The following GOSR2 variants were observed in gnomAD, a reference collection of about 807,000 sequenced individuals.
GOSR2 encodes the protein golgi SNAP receptor complex member 2.
In GOSR2, 20 loss-of-function variants were observed where a neutral mutation model predicts 27.9. The observed-to-expected ratio is 0.72, with a 90% CI of 0.50 to 1.04. The LOEUF is 1.04. Among genes scored for constraint, GOSR2 ranks in the 50% least tolerant of loss-of-function variants. GOSR2 has a pLI of 0.00. For synonymous variants in GOSR2, 91 were observed against 98.8 expected, an observed-to-expected ratio of 0.92 and a Z score of 0.47; for missense variants, 261 against 270.5, an observed-to-expected ratio of 0.97 and a Z score of 0.25.
intron 3 of GOSR2, chr17:46,931,487 A>G: frequency 2.1e-6 from 1 of 483,742 alleles, no homozygotes. Context: ...CTAGATCCAT[A>G]GCCACCTGAA....
At chr17:46,969,534 A>T (rs2091369666), downstream of GOSR2, among the ~76,000 whole-genome samples, 1 of 152,174 alleles carries the variant, frequency 6.6e-6, no homozygotes, top group African/African-American at 2.4e-5. Context: ...GAGACCCTAA[A>T]CAACCGTGGA....
At chr17:46,926,163 A>T (rs2086464798) in intron 1 of GOSR2, among the ~76,000 whole-genome samples, 1 of 152,202 alleles carries the variant, frequency 6.6e-6, no homozygotes, top group Non-Finnish European at 1.5e-5. Context: ...CTATTACCTT[A>T]TCTCAAGACC....
Position 46,938,832 on chromosome 17 carries a change from G to A in GOSR2, c.*72G>A. 45 of 1,608,630 alleles carry A rather than the reference G, an allele frequency of 2.8e-5. No individual in the cohort carries two copies. The highest frequency in any genetic ancestry group is 3.8e-5 in the Non-Finnish European group (45 of 1,178,886). Reference sequence around the variant, plus strand: ...GTGTGTGTGTGTGAAAGAGAGAGGGGGGCCCAGAGGCCGCCTTTTGAAATG... The same window carrying A: ...GTGTGTGTGTGTGAAAGAGAGAGGGAGGCCCAGAGGCCGCCTTTTGAAATG... On this transcript the variant is annotated 3_prime_UTR_variant, in exon 6 of 6. Coordinates refer to ENST00000640051, the MANE Select transcript of GOSR2 (RefSeq NM_004287.5).
Position 46,940,079 on chromosome 17 carries a change from TTCTG to T in GOSR2, c.*1323_*1326del. The T allele has an allele frequency of 8.9e-7, 1 of 1,117,444 alleles. No individual in the cohort carries two copies. Among genetic ancestry groups the T allele is most frequent in the African/African-American group, 1.6e-5 (1 of 62,542 alleles). The allele number at this position is 1,117,444 out of a possible 1,614,324, so 69.2% of individuals were successfully genotyped here. A position where few individuals can be genotyped will look rare whatever the true frequency, so the allele number is the denominator to read the frequency against. On this transcript the variant is annotated 3_prime_UTR_variant, in exon 6 of 6. Transcript: ENST00000640051. ...TTAGTTTCTTGTTGCTTGAACTGTC[TTCTG>T]TCTTATTTCCCTTCCTTTCTGTGTT...
At chr17:46,930,466 C>T (rs952710950) in intron 2 of GOSR2, 2 of 152,020 alleles carry the variant, frequency 1.3e-5, no homozygotes, top group East Asian at 1.9e-4. Context: ...GGAAAATGAC[C>T]GTATTTATCG....
intron 6 of GOSR2, chr17:46,964,089 A>C (rs1003279093): frequency 2.6e-5 from 4 of 152,244 alleles, no homozygotes; most frequent in Non-Finnish European, 4.4e-5. Flanking sequence ...CCGGGATGAC[A>C]AGTGTGGCTG....
At position 46,931,193 on chromosome 17, in the gene GOSR2, G is replaced by A. The variant is rs753336865; in HGVS notation, c.189G>A (p.Arg63=). Residue 63 remains arginine, a synonymous_variant, in exon 3 of 6, where the codon AGG becomes AGA. Transcript: ENST00000640051. ...CCAGCAAGGAGCCCCCTAACAAAAG[G>A]CAAAATGCCAGACTGTAAGTGCTGA... ...ILSSKEPPNK[R]QNARLRVDQL... 6 of 1,545,834 alleles carry A rather than the reference G, an allele frequency of 3.9e-6. No individual in the cohort carries two copies. The highest frequency in any genetic ancestry group is 1.7e-5 in the Admixed American group (1 of 59,898).
chr17:46,958,944 C>T (rs1336993292), intron 6 of GOSR2, among the ~76,000 whole-genome samples: 2 of 152,214 alleles, frequency 1.3e-5, no homozygotes, highest in African/African-American at 2.4e-5. Flanking sequence ...GAGTGAATAG[C>T]ATGAGATGGG....
Position 46,932,344 on chromosome 17 carries a change from C to T in GOSR2, c.336+145C>T, listed in dbSNP as rs547689659. 2.0e-5 allele frequency: 18 copies of T among 888,726 alleles called. No homozygotes were observed. The South Asian group carries it at 2.2e-4, about 11-fold the overall frequency. 55.1% of individuals were successfully genotyped at this position (888,726 alleles called of 1,614,324 possible). ...AACTGGAAATGACAGGAACTTTGTG[C>T]ATTGCCACAGAGACTAGACCTAGAC... On this transcript the variant is annotated intron_variant, in intron 4 of 5. Coordinates refer to ENST00000640051, the MANE Select transcript of GOSR2 (RefSeq NM_004287.5).
chr17:46,947,842 C>G (rs1227073933), intron 6 of GOSR2, among the ~76,000 whole-genome samples: 1 of 152,226 alleles, frequency 6.6e-6, no homozygotes, highest in Non-Finnish European at 1.5e-5. Flanking sequence ...AATCTCGGCT[C>G]ACCGTAACCT....
intron 4 of GOSR2, 39 bp from the exon 5 acceptor site, chr17:46,934,989 GA>G (rs780939347): frequency 6.3e-7 from 1 of 1,598,934 alleles, no homozygotes; most frequent in Non-Finnish European, 8.6e-7. Context: ...GGAACTGACT[GA>G]TAAGCAAAGT....
At position 46,949,052 on chromosome 17, in the gene GOSR2, T is replaced by C. The variant is rs1167567689; in HGVS notation, c.583+10348T>C. On this transcript the variant is annotated intron_variant, in intron 6 of 6. Transcript: ENST00000573224. ...CTGTGTAACAAATCACCACAAAACATAGGGGCTGACGGCAATAGCTCTCAG... is the reference window on the plus strand; with the variant it reads ...CTGTGTAACAAATCACCACAAAACACAGGGGCTGACGGCAATAGCTCTCAG... 4 of 152,122 alleles carry C rather than the reference T, an allele frequency of 2.6e-5. No homozygotes were observed. The East Asian group carries it at 5.8e-4, about 22-fold the overall frequency. 9.4% of individuals were successfully genotyped at this position (152,122 alleles called of 1,614,324 possible).
intron 6 of GOSR2, among the ~76,000 whole-genome samples, chr17:46,963,462 T>C (rs555484511): frequency 6.6e-6 from 1 of 151,866 alleles, no homozygotes; most frequent in East Asian, 1.9e-4. Flanking sequence ...CAAGAATTGC[T>C]TGAACCTGGG....
chr17:46,972,189 C>T (rs1253437125), intron 6 of GOSR2, among the ~76,000 whole-genome samples: 7 of 152,196 alleles, frequency 4.6e-5, no homozygotes, highest in Admixed American at 4.6e-4. Flanking sequence ...TGGGCTGGGG[C>T]AGGAGGCGAG....
chr17:46,962,071 C>G (rs2091086713), intron 6 of GOSR2, among the ~76,000 whole-genome samples: 1 of 152,126 alleles, frequency 6.6e-6, no homozygotes, highest in Non-Finnish European at 1.5e-5. Context: ...GTGGCTCATG[C>G]CTGTAATCTC....
intron 1 of GOSR2, among the ~76,000 whole-genome samples, chr17:46,929,033 T>C (rs996776240): frequency 2.0e-5 from 3 of 152,150 alleles, no homozygotes; most frequent in South Asian, 4.2e-4. Flanking sequence ...CATGTCTGTT[T>C]AGCCTGTCAT....
intron 6 of GOSR2, chr17:46,966,521 G>C (rs565961353): frequency 2.9e-6 from 2 of 687,802 alleles, no homozygotes; most frequent in Admixed American, 4.1e-5. Context: ...TTAATTTTTT[G>C]TATTTTTTGC....
At chr17:46,929,074 A>T (rs1387377322) in intron 1 of GOSR2, among the ~76,000 whole-genome samples, 3 of 152,092 alleles carry the variant, frequency 2.0e-5, no homozygotes, top group African/African-American at 7.2e-5. Context: ...AAGGACAAGG[A>T]TTATATCTCC....
At chr17:46,954,355 G>A (rs550850912) in intron 6 of GOSR2, among the ~76,000 whole-genome samples, 1 of 152,264 alleles carries the variant, frequency 6.6e-6, no homozygotes, top group Admixed American at 6.5e-5. Flanking sequence ...TAGATAAGCG[G>A]CATTATTTCT....
Sources: allele counts gnomAD v4.1 joint callset (sites outside exome capture counted in the v4.1 genomes callset), GRCh38; gene constraint gnomAD v4.1.1; transcripts MANE v1.5; gene names NCBI Gene and HGNC (gene_info 2026-07-23, HGNC 2026-07-21).